TMEM272: variants seen among roughly 807,000 people sequenced by gnomAD.
TMEM272 encodes long intergenic non-protein coding RNA 282.
TMEM272 carries 8 observed loss-of-function variants against 3.7 expected under a neutral mutation model. The ratio of observed to expected loss-of-function variants is 2.17; its 90% CI spans 1.27 to 3.91. The LOEUF (loss-of-function observed/expected upper bound fraction) is 3.91. Ranked by LOEUF, TMEM272 falls within the 30% of genes most tolerant of loss-of-function variation. The pLI is 0.00. For missense variants in TMEM272, 166 were observed against 91.5 expected, an observed-to-expected ratio of 1.81 and a Z score of -3.32; for synonymous variants, 63 against 39.8, an observed-to-expected ratio of 1.58 and a Z score of -2.20.
At chr13:51,824,416 C>T (rs922043146) in intron 3 of TMEM272, among the ~76,000 whole-genome samples, 4 of 152,210 alleles carry the variant, frequency 2.6e-5, no homozygotes, top group Non-Finnish European at 4.4e-5. Flanking sequence ...GTGTACAATT[C>T]ATCGGCATAA....
intron 1 of TMEM272, among the ~76,000 whole-genome samples, chr13:51,841,326 C>A (rs1302570380): frequency 2.6e-5 from 4 of 152,234 alleles, no homozygotes; most frequent in African/African-American, 9.6e-5. Flanking sequence ...GGAGGAGACA[C>A]AAGAGCCATC....
the TMEM272 span, among the ~76,000 whole-genome samples, chr13:51,912,181 G>A: frequency 6.6e-6 from 1 of 152,148 alleles, no homozygotes; most frequent in Non-Finnish European, 1.5e-5. Context: ...AGGTCCAAAA[G>A]GGCCAAGATG....
chr13:51,905,776 A>AT, the TMEM272 span, among the ~76,000 whole-genome samples: 7 of 152,394 alleles, frequency 4.6e-5, no homozygotes, highest in African/African-American at 1.4e-4. Context: ...GCTCTGCCTC[A>AT]TTAGCCTCGG....
chr13:51,908,631 T>C, the TMEM272 span: 7 of 1,486,752 alleles, frequency 4.7e-6, no homozygotes, highest in Non-Finnish European at 4.7e-6. Flanking sequence ...AAGATTATCT[T>C]TGGTATCATT....
chr13:51,819,635 G>C (rs1282988714), intron 4 of TMEM272, among the ~76,000 whole-genome samples: 1 of 152,230 alleles, frequency 6.6e-6, no homozygotes, highest in Non-Finnish European at 1.5e-5. Flanking sequence ...AAGTTAGCCA[G>C]AGTTGATTTT....
chr13:51,817,381 G>A (rs140863417), intron 4 of TMEM272, among the ~76,000 whole-genome samples: 1 of 152,332 alleles, frequency 6.6e-6, no homozygotes, highest in Non-Finnish European at 1.5e-5. Flanking sequence ...TTAGATGTGT[G>A]AGTTGGTTTG....
chr13:51,929,112 G>A, the TMEM272 span, among the ~76,000 whole-genome samples: 12 of 152,224 alleles, frequency 7.9e-5, no homozygotes, highest in East Asian at 9.6e-4. Context: ...CAGGAGAATC[G>A]CTTGAACCTG....
At chr13:51,880,845 A>G in the TMEM272 span, among the ~76,000 whole-genome samples, 1 of 152,204 alleles carries the variant, frequency 6.6e-6, no homozygotes, top group African/African-American at 2.4e-5. Flanking sequence ...GGTTCAGTGT[A>G]TACTGCTCGG....
At chr13:51,908,381 C>T in the TMEM272 span, 1 of 1,500,980 alleles carries the variant, frequency 6.7e-7, no homozygotes, top group East Asian at 2.3e-5. Context: ...AGACATTTCT[C>T]ATTGCAAATG....
chr13:51,842,776 T>G (rs17600458), intron 1 of TMEM272, among the ~76,000 whole-genome samples: 23,473 of 152,250 alleles, frequency 0.15, 2,236 homozygotes, highest in Middle Eastern at 0.24. Context: ...ACTCTCATTT[T>G]CACAGCTGAA....
the TMEM272 span, chr13:51,862,148 A>C: frequency 6.6e-6 from 1 of 152,284 alleles, no homozygotes; most frequent in Non-Finnish European, 1.5e-5. Flanking sequence ...GCAAGCACGC[A>C]TCACTGGGGA....
the TMEM272 span, among the ~76,000 whole-genome samples, chr13:51,920,245 T>G: frequency 2.6e-5 from 4 of 152,164 alleles, no homozygotes; most frequent in African/African-American, 9.7e-5. Context: ...TATAGAATAT[T>G]TGGTGTCATT....
the TMEM272 span, among the ~76,000 whole-genome samples, chr13:51,870,927 G>T: frequency 1.3e-5 from 2 of 152,150 alleles, no homozygotes; most frequent in Admixed American, 6.6e-5. Context: ...AAAACTCAGG[G>T]TCCTTAAACT....
the TMEM272 span, among the ~76,000 whole-genome samples, chr13:51,863,778 G>T: frequency 5.9e-5 from 9 of 151,680 alleles, no homozygotes; most frequent in African/African-American, 2.2e-4. Context: ...TACAGAGAAA[G>T]CCCTGAAAAT....
the TMEM272 span, among the ~76,000 whole-genome samples, chr13:51,903,194 G>C: frequency 0.97 from 148,541 of 152,366 alleles, 72,424 homozygotes; most frequent in East Asian, 1. Flanking sequence ...ACTAGAACTG[G>C]ATGCACGAGG....
At chr13:51,866,198 C>A in the TMEM272 span, 1 of 884,116 alleles carries the variant, frequency 1.1e-6, no homozygotes, top group Non-Finnish European at 1.7e-6. Flanking sequence ...TTTGAAAGAT[C>A]CAATAAAGTC....
At chr13:51,923,319 C>T in the TMEM272 span, among the ~76,000 whole-genome samples, 10 of 152,216 alleles carry the variant, frequency 6.6e-5, no homozygotes, top group Non-Finnish European at 8.8e-5. Context: ...GGGACCTCTC[C>T]GGAGACAGAA....
At chr13:51,839,059 C>T (rs550705705) in intron 1 of TMEM272, among the ~76,000 whole-genome samples, 5 of 152,122 alleles carry the variant, frequency 3.3e-5, no homozygotes, top group South Asian at 2.1e-4. Context: ...AGAGCAAGGG[C>T]GCCCTCACTT....
At chr13:51,839,272 A>G (rs1221332700) in intron 1 of TMEM272, among the ~76,000 whole-genome samples, 1 of 152,148 alleles carries the variant, frequency 6.6e-6, no homozygotes, top group Non-Finnish European at 1.5e-5. Context: ...TTTTAAATCC[A>G]CAAAAAAACT....
Sources: gnomAD v4.1 joint callset for allele counts (sites outside exome capture counted in the v4.1 genomes callset) on GRCh38, gnomAD v4.1.1 for gene constraint, MANE v1.5 for transcripts, NCBI Gene and HGNC (gene_info 2026-07-23, HGNC 2026-07-21) for gene names.